The following TOGARAM1 variants were observed in gnomAD, a reference collection of about 807,000 sequenced individuals.
TOGARAM1 encodes TOG array regulator of axonemal microtubules protein 1.
A neutral mutation model predicts 166.6 loss-of-function variants in TOGARAM1; 100 were observed. That is an observed-to-expected ratio of 0.60 (90% CI 0.51 to 0.71). TOGARAM1 has a LOEUF of 0.71. TOGARAM1 is among the 30% of genes least tolerant of loss of function. TOGARAM1 has a pLI of 0.00. For missense variants in TOGARAM1, 2,029 were observed against 2,102.7 expected, an observed-to-expected ratio of 0.96 and a Z score of 0.69; for synonymous variants, 758 against 763.8, an observed-to-expected ratio of 0.99 and a Z score of 0.13.
chr14:44,984,218 A>G (rs900283842), intron 1 of TOGARAM1, among the ~76,000 whole-genome samples: 2 of 152,154 alleles, frequency 1.3e-5, no homozygotes, highest in South Asian at 4.1e-4. Context: ...GAATATCCAT[A>G]TCTTTTAGAA....
In TOGARAM1 at chr14:44,963,410, T is replaced by A; in HGVS notation, c.989T>A (p.Phe330Tyr). ...TATTTGGAACTTGAAGCCTCTGGAT[T>A]TCCTGAAGATCCCCTTCCCTGTGCA... is the stretch of plus-strand genomic sequence containing the variant. The part of the protein sequence containing the change: ...PYYLELEASG[F>Y]PEDPLPCAVT... The change falls in exon 1 of 20, where the codon TTT (phenylalanine) becomes TAT (tyrosine). Residue 330 changes from phenylalanine to tyrosine, a missense_variant. Physicochemically the swap from Phe to Tyr is conservative, Grantham distance 22. This residue lies in a region of TOGARAM1 where 1,453 missense variants were observed against 1,432.2 expected (regional missense o/e 1.01). Transcript: ENST00000361462. 1.2e-6 allele frequency: 2 copies of A among 1,614,190 alleles called. No individual in the cohort carries two copies. Among genetic ancestry groups the A allele is most frequent in the Non-Finnish European group, 8.5e-7 (1 of 1,180,032 alleles).
In TOGARAM1 at chr14:45,004,316, A is replaced by C. The variant is rs561717208; in HGVS notation, c.2594A>C (p.Gln865Pro). ...SFEGLSKPSP[Q>P]KKLVSQKSSD... ...GAAGGACTATCAAAGCCAAGTCCACAGAAGAAGCTTGTCAGCCAAAAATCG... is the reference window on the plus strand; with the variant it reads ...GAAGGACTATCAAAGCCAAGTCCACCGAAGAAGCTTGTCAGCCAAAAATCG... Residue 865 changes from glutamine to proline, a missense_variant, in exon 4 of 20, where the codon CAG (glutamine) becomes CCG (proline). By Grantham distance (76) the Gln-to-Pro change is moderately conservative (BLOSUM62 -1). Transcript: ENST00000361462. 6 of 1,614,068 alleles carry C rather than the reference A, an allele frequency of 3.7e-6. No homozygotes were observed. In the South Asian group the frequency reaches 5.5e-5, roughly 15 times the overall value.
intron 13 of TOGARAM1, 90 bp from the exon 14 acceptor site, chr14:45,046,455 C>T (rs1252605012): frequency 1.8e-5 from 21 of 1,168,958 alleles, no homozygotes; most frequent in Non-Finnish European, 2.2e-5. Flanking sequence ...AACCAAAATA[C>T]AAACAAACAA....
At chr14:44,987,488 C>A (rs1253304513) in intron 1 of TOGARAM1, among the ~76,000 whole-genome samples, 3 of 152,120 alleles carry the variant, frequency 2.0e-5, no homozygotes, top group Non-Finnish European at 2.9e-5. Flanking sequence ...TTGTGCAGCC[C>A]ACAGACACAT....
In TOGARAM1 at chr14:45,043,777, G is replaced by T. The variant is rs766588191; in HGVS notation, c.3904G>T (p.Ala1302Ser). 1 of 1,606,218 alleles carries T rather than the reference G, an allele frequency of 6.2e-7. No homozygotes were observed. Among genetic ancestry groups the T allele is most frequent in the South Asian group, 1.1e-5 (1 of 90,892 alleles). Residue 1302 changes from alanine (A) to serine (S), a missense_variant, in exon 12 of 20, where the codon GCA (alanine) becomes TCA (serine). Coordinates refer to ENST00000361462, the MANE Select transcript of TOGARAM1 (RefSeq NM_001308120.2). ...CACAAAGTTGCATGAAACAAATTTT[G>T]CAGTTGTTCAAGAGGTAAACTTATT... ...LNTKLHETNFAVVQEVKNLRS... is the reference protein window; with the variant it reads ...LNTKLHETNFSVVQEVKNLRS...
chr14:44,964,548 T>A, intron 1 of TOGARAM1, 81 bp downstream of exon 1: 1 of 1,424,094 alleles, frequency 7.0e-7, no homozygotes, highest in Non-Finnish European at 9.4e-7. Flanking sequence ...AGGGTCAGCC[T>A]GCTTGAGGGA....
intron 1 of TOGARAM1, among the ~76,000 whole-genome samples, chr14:44,985,907 A>T (rs909644389): frequency 6.6e-6 from 1 of 152,226 alleles, no homozygotes; most frequent in South Asian, 2.1e-4. Context: ...CATTAATTCA[A>T]TTTTAGTCCA....
At chr14:45,009,221 A>G in intron 6 of TOGARAM1, 76 bp downstream of exon 6, 2 of 1,039,522 alleles carry the variant, frequency 1.9e-6, no homozygotes, top group Non-Finnish European at 2.8e-6. Flanking sequence ...CATATTTGTA[A>G]AAACTTAAAA....
At chr14:45,058,968 T>G (rs1045942021) in intron 16 of TOGARAM1, among the ~76,000 whole-genome samples, 1 of 152,166 alleles carries the variant, frequency 6.6e-6, no homozygotes, top group Non-Finnish European at 1.5e-5. Context: ...TTTGTTTCCA[T>G]GTTTAGGGCC....
chr14:44,994,166 G>T (rs1052817545), intron 1 of TOGARAM1, among the ~76,000 whole-genome samples: 3 of 152,136 alleles, frequency 2.0e-5, no homozygotes, highest in African/African-American at 7.2e-5. Context: ...GAGTGCAGTG[G>T]CATGATCTTG....
chr14:45,030,332 A>G (rs944779728), intron 10 of TOGARAM1, among the ~76,000 whole-genome samples: 2 of 152,130 alleles, frequency 1.3e-5, no homozygotes, highest in Non-Finnish European at 2.9e-5. Context: ...GAACGTGGGA[A>G]TGGATTAGAT....
intron 12 of TOGARAM1, 53 bp downstream of exon 12, chr14:45,043,844 T>C: frequency 9.8e-7 from 1 of 1,020,250 alleles, no homozygotes; most frequent in Non-Finnish European, 1.5e-6. Flanking sequence ...AAAGGATAAA[T>C]ATGCTATGTT....
At chr14:44,993,350 A>G (rs1887246824) in intron 1 of TOGARAM1, among the ~76,000 whole-genome samples, 1 of 152,076 alleles carries the variant, frequency 6.6e-6, no homozygotes, top group Admixed American at 6.6e-5. Context: ...AACACTATGT[A>G]AATTTCCAAC....
chr14:44,983,545 T>A (rs1337818078), intron 1 of TOGARAM1, among the ~76,000 whole-genome samples: 1 of 152,170 alleles, frequency 6.6e-6, no homozygotes, highest in Admixed American at 6.5e-5. Flanking sequence ...GTGAACCACT[T>A]TGTGAGAACA....
At chr14:45,035,532 T>C (rs1481620583) in intron 11 of TOGARAM1, among the ~76,000 whole-genome samples, 2 of 152,158 alleles carry the variant, frequency 1.3e-5, no homozygotes, top group East Asian at 3.9e-4. Context: ...TTGTTCAAAT[T>C]GGATGAAAAC....
chr14:44,987,426 C>A (rs1187548307), intron 1 of TOGARAM1, among the ~76,000 whole-genome samples: 2 of 152,050 alleles, frequency 1.3e-5, no homozygotes, highest in Non-Finnish European at 1.5e-5. Flanking sequence ...ACAAACAACC[C>A]CATCAACAAG....
intron 1 of TOGARAM1, among the ~76,000 whole-genome samples, chr14:44,978,928 G>A (rs1456458315): frequency 6.6e-6 from 1 of 151,028 alleles, no homozygotes; most frequent in Non-Finnish European, 1.5e-5. Flanking sequence ...GAGCTCAGGA[G>A]TTCAAGGCCA....
chr14:44,966,787 T>A (rs1442650795), intron 1 of TOGARAM1, among the ~76,000 whole-genome samples: 2 of 151,990 alleles, frequency 1.3e-5, no homozygotes, highest in African/African-American at 2.4e-5. Flanking sequence ...GATCCCCATC[T>A]CTACAAAAAT....
At chr14:44,977,358 C>T (rs536030463) in intron 1 of TOGARAM1, among the ~76,000 whole-genome samples, 1 of 151,648 alleles carries the variant, frequency 6.6e-6, no homozygotes, top group South Asian at 2.1e-4. Context: ...CCTCAGCCTC[C>T]CTAGTACCTG....
Sources: gnomAD v4.1 joint callset for allele counts (sites outside exome capture counted in the v4.1 genomes callset) on GRCh38, gnomAD v4.1.1 for gene constraint, gnomAD v4.1.1 regional missense constraint, MANE v1.5 for transcripts, NCBI Gene and HGNC (gene_info 2026-07-23, HGNC 2026-07-21) for gene names.